SULT2B1: variants seen among roughly 807,000 people sequenced by gnomAD.
The protein encoded by SULT2B1 is sulfotransferase family 2B member 1, also known as sulfotransferase 2B1.
A neutral mutation model predicts 33.2 loss-of-function variants in SULT2B1; 16 were observed. The observed-to-expected ratio is 0.48, with a 90% CI of 0.33 to 0.73. The LOEUF is 0.73. Among genes scored for constraint, SULT2B1 ranks in the 30% least tolerant of loss-of-function variants. SULT2B1 has a pLI of 0.02. For missense variants in SULT2B1, 500 were observed against 506.0 expected, an observed-to-expected ratio of 0.99 and a Z score of 0.11; for synonymous variants, 186 against 200.5, an observed-to-expected ratio of 0.93 and a Z score of 0.61.
At position 48,598,225 on chromosome 19, in the gene SULT2B1, G is replaced by A. The variant is rs139525429; in HGVS notation, c.827-910G>A. Among the ~76,000 whole-genome samples the A allele has an allele frequency of 5.2e-3, 791 of 152,238 alleles. 5 individuals are homozygous for A. The highest frequency in any genetic ancestry group is 6.8e-3 in the South Asian group (33 of 4,824). ...GTGCACTTGCCAAAAGGCAAACTAC[G>A]GTCCTCTGAATGCCATGAGCCCCAG... On this transcript the variant is annotated intron_variant, in intron 6 of 6. Coordinates refer to ENST00000201586, the MANE Select transcript of SULT2B1 (RefSeq NM_177973.2).
intron 1 of SULT2B1, among the ~76,000 whole-genome samples, chr19:48,559,076 G>A (rs1199720332): frequency 6.6e-6 from 1 of 152,058 alleles, no homozygotes; most frequent in Non-Finnish European, 1.5e-5. Flanking sequence ...TGAGATTTGG[G>A]CAGGCAGACT....
At chr19:48,567,508 A>G (rs994543875) in intron 1 of SULT2B1, among the ~76,000 whole-genome samples, 2 of 152,038 alleles carry the variant, frequency 1.3e-5, no homozygotes, top group African/African-American at 2.4e-5. Context: ...GTTGCAGTGA[A>G]CTAAGATCAT....
At position 48,576,359 on chromosome 19, in the gene SULT2B1, C is replaced by CTTTTCTTTCTTTTTTTTTTT; in HGVS notation, c.214+280_214+281insCTTTCTTTTTTTTTTTTTTT. Among the ~76,000 whole-genome samples, 303 of 96,642 alleles carry CTTTTCTTTCTTTTTTTTTTT rather than the reference C, an allele frequency of 3.1e-3. 44 individuals are homozygous for CTTTTCTTTCTTTTTTTTTTT. Among genetic ancestry groups the CTTTTCTTTCTTTTTTTTTTT allele is most frequent in the African/African-American group, 0.011 (247 of 23,246 alleles). 63.4% of individuals were successfully genotyped at this position (96,642 alleles called of 152,430 possible). ...CCTTTCCCCTTTACCCTCTACTTCT[C>CTTTTCTTTCTTTTTTTTTTT]TTTTTTTTTTTTTTTTTTGTAGAGA... On this transcript the variant is annotated intron_variant, in intron 2 of 6. Coordinates refer to ENST00000201586, the MANE Select transcript of SULT2B1 (RefSeq NM_177973.2).
intron 1 of SULT2B1, among the ~76,000 whole-genome samples, chr19:48,555,510 T>G (rs982836284): frequency 1.4e-5 from 2 of 147,584 alleles, no homozygotes; most frequent in Non-Finnish European, 3.0e-5. Flanking sequence ...CTCTCTCTCT[T>G]TGCTTATCTG....
At chr19:48,568,437 T>C (rs113729285) in intron 1 of SULT2B1, among the ~76,000 whole-genome samples, 7 of 152,124 alleles carry the variant, frequency 4.6e-5, no homozygotes, top group Admixed American at 1.3e-4. Context: ...GGAGCTGGCC[T>C]TGAATCCTGT....
chr19:48,561,654 G>C (rs529807367), intron 1 of SULT2B1, among the ~76,000 whole-genome samples: 1 of 152,182 alleles, frequency 6.6e-6, no homozygotes, highest in South Asian at 2.1e-4. Context: ...CAGTGAGAAC[G>C]GAACACTGGC....
At chr19:48,588,213 A>C (rs1421284116) in intron 3 of SULT2B1, among the ~76,000 whole-genome samples, 3 of 151,122 alleles carry the variant, frequency 2.0e-5, no homozygotes, top group Middle Eastern at 3.4e-3. Flanking sequence ...TCATCTCAAA[A>C]AAAAAAAAAA....
intron 3 of SULT2B1, among the ~76,000 whole-genome samples, chr19:48,588,348 A>G (rs1300597247): frequency 6.6e-6 from 1 of 151,942 alleles, no homozygotes; most frequent in African/African-American, 2.4e-5. Flanking sequence ...ACCTGTCTCT[A>G]CTAAAAATAC....
rs116135928 is a variant in SULT2B1 at position 48,592,682 on chromosome 19, C to T, written c.551-40C>T. 4,838 of 1,531,596 alleles carry T rather than the reference C, an allele frequency of 3.2e-3. 15 individuals are homozygous for T. Among genetic ancestry groups the T allele is most frequent in the Non-Finnish European group, 3.9e-3 (4,387 of 1,126,214 alleles). The allele number at this position is 1,531,596 out of a possible 1,614,324, so 94.9% of individuals were successfully genotyped here. ...AGCCCCAGTGGGGCTGGGGGAACCC[C>T]GCCACTCAGCCCTCACCCCACTTGT... is the stretch of plus-strand genomic sequence containing the variant. On this transcript the variant is annotated intron_variant, in intron 4 of 6. Transcript: ENST00000201586.
In SULT2B1 at chr19:48,596,435, C is replaced by G. The variant is rs960737324; in HGVS notation, c.646-304C>G. 4.3e-5 allele frequency: 7 copies of G among 160,944 alleles called. No individual in the cohort carries two copies. In the East Asian group the frequency reaches 1.5e-3, roughly 34 times the overall value. 10.0% of individuals were successfully genotyped at this position (160,944 alleles called of 1,614,324 possible). On this transcript the variant is annotated intron_variant, in intron 5 of 6. Coordinates refer to ENST00000201586, the MANE Select transcript of SULT2B1 (RefSeq NM_177973.2). The stretch of plus-strand genomic sequence containing the variant: ...GCCCCCGGATGTGACCTCTGCCCCC[C>G]ACTGTGACCTCTGCCCCCGGCTGTG...
intron 2 of SULT2B1, 33 bp downstream of exon 2, chr19:48,576,116 GGAGA>G: frequency 1.3e-6 from 2 of 1,560,694 alleles, no homozygotes; most frequent in Non-Finnish European, 8.8e-7. Flanking sequence ...CGGGGGCTGG[GGAGA>G]GTGGGGAGGG....
chr19:48,573,255 G>A (rs1973355643), intron 1 of SULT2B1, among the ~76,000 whole-genome samples: 1 of 151,906 alleles, frequency 6.6e-6, no homozygotes, highest in Admixed American at 6.6e-5. Context: ...CCTGCCTGCT[G>A]TGGCCACCCA....
chr19:48,587,702 G>A (rs1973584365), intron 3 of SULT2B1, among the ~76,000 whole-genome samples: 1 of 151,296 alleles, frequency 6.6e-6, no homozygotes, highest in Non-Finnish European at 1.5e-5. Flanking sequence ...GACCAGCTTG[G>A]GCAACATAGT....
chr19:48,562,741 G>A (rs146041343), intron 1 of SULT2B1, among the ~76,000 whole-genome samples: 2,411 of 151,886 alleles, frequency 0.016, 76 homozygotes, highest in African/African-American at 0.054. Context: ...GTGCAGTGGC[G>A]CGATCTCAGC....
chr19:48,569,359 A>ATAT (rs1568405746), intron 1 of SULT2B1, among the ~76,000 whole-genome samples: 22 of 15,084 alleles, frequency 1.5e-3, no homozygotes, highest in African/African-American at 7.3e-3. Context: ...AAAAAAAAAA[A>ATAT]AAACATATAT....
At chr19:48,589,242 A>G (rs1467339645) in intron 3 of SULT2B1, among the ~76,000 whole-genome samples, 1 of 151,626 alleles carries the variant, frequency 6.6e-6, no homozygotes, top group Non-Finnish European at 1.5e-5. Flanking sequence ...GGTGTGAGAG[A>G]AGGGGATGAG....
At chr19:48,581,876 TTATTATTATTATTA>T (rs1284165230) in intron 2 of SULT2B1, among the ~76,000 whole-genome samples, 4 of 103,796 alleles carry the variant, frequency 3.9e-5, no homozygotes, top group Admixed American at 3.0e-4. Context: ...AGAGTATGTT[TTATTATTATTATTA>T]TATTATTATT....
chr19:48,596,081 A>G, intron 5 of SULT2B1: 3 of 152,994 alleles, frequency 2.0e-5, no homozygotes, highest in East Asian at 1.9e-4. Context: ...CTGGAGGGGG[A>G]TGGAGACTGG....
chr19:48,576,376 T>TTTTTTTTTTTTTG, intron 2 of SULT2B1, among the ~76,000 whole-genome samples: 1 of 142,968 alleles, frequency 7.0e-6, no homozygotes, highest in Non-Finnish European at 1.5e-5. Context: ...TTTTTTTTTT[T>TTTTTTTTTTTTTG]TGTAGAGATG....
Sources: allele counts gnomAD v4.1 joint callset (sites outside exome capture counted in the v4.1 genomes callset), GRCh38; gene constraint gnomAD v4.1.1; transcripts MANE v1.5; gene names NCBI Gene and HGNC (gene_info 2026-07-23, HGNC 2026-07-21).